Variants in HSDL2 observed in about 807,000 individuals in gnomAD.
HSDL2 encodes the protein hydroxysteroid dehydrogenase like 2, also known as hydroxysteroid dehydrogenase-like protein 2.
HSDL2 carries 27 observed loss-of-function variants against 46.3 expected under a neutral mutation model. The observed-to-expected ratio is 0.58, with a 90% CI of 0.43 to 0.80. The LOEUF (loss-of-function observed/expected upper bound fraction) is 0.80, where lower values mean the gene tolerates loss of function less well. Among genes scored for constraint, HSDL2 ranks in the 30% least tolerant of loss-of-function variants. HSDL2 has a pLI of 0.00. For missense variants in HSDL2, 451 were observed against 502.7 expected (o/e 0.90, Z 0.98); for synonymous variants, 153 against 163.6 (o/e 0.94, Z 0.50).
intron 6 of HSDL2, among the ~76,000 whole-genome samples, chr9:112,427,243 G>A (rs1832271892): frequency 6.6e-6 from 1 of 151,934 alleles, no homozygotes; most frequent in African/African-American, 2.4e-5. Flanking sequence ...TTAGTAGAGA[G>A]GGTGTTTTGC....
intron 1 of HSDL2, among the ~76,000 whole-genome samples, chr9:112,397,787 C>G (rs59151888): frequency 6.6e-6 from 1 of 152,118 alleles, no homozygotes; most frequent in Non-Finnish European, 1.5e-5. Flanking sequence ...GCAAAATGAC[C>G]TCAGTACAAA....
chr9:112,422,578 C>G (rs1832148691), intron 6 of HSDL2, among the ~76,000 whole-genome samples: 1 of 151,794 alleles, frequency 6.6e-6, no homozygotes, highest in South Asian at 2.1e-4. Context: ...GCAGAAACAC[C>G]CTGAAGTAAA....
chr9:112,447,733 GAAATATTTA>G (rs1832784662), intron 8 of HSDL2, among the ~76,000 whole-genome samples: 1 of 152,170 alleles, frequency 6.6e-6, no homozygotes, highest in Non-Finnish European at 1.5e-5. Context: ...AAATGTGGAG[GAAATATTTA>G]TTACTCAGTG....
At chr9:112,460,219 C>G (rs1466118266) in intron 10 of HSDL2, among the ~76,000 whole-genome samples, 1 of 152,194 alleles carries the variant, frequency 6.6e-6, no homozygotes, top group Non-Finnish European at 1.5e-5. Context: ...ACATCCTGAT[C>G]TAAAGAGTCT....
intron 9 of HSDL2, among the ~76,000 whole-genome samples, chr9:112,459,218 A>G (rs1030641980): frequency 2.6e-5 from 4 of 152,002 alleles, no homozygotes; most frequent in Non-Finnish European, 5.9e-5. Flanking sequence ...ATCACCCTCT[A>G]CTTCCTCTTT....
chr9:112,467,533 A>G (rs1422628287), intron 10 of HSDL2, among the ~76,000 whole-genome samples: 1 of 152,142 alleles, frequency 6.6e-6, no homozygotes, highest in African/African-American at 2.4e-5. Context: ...ATGCCACTAA[A>G]TTGTTTCTCT....
At position 112,398,777 on chromosome 9, in the gene HSDL2, T is replaced by G. The variant is rs140138694; in HGVS notation, c.18-5218T>G. 5.6e-3 allele frequency among the ~76,000 whole-genome samples: 854 copies of G among 152,252 alleles called. 7 individuals carry two copies. Among genetic ancestry groups the G allele is most frequent in the African/African-American group, 0.02 (817 of 41,558 alleles). On this transcript the variant is annotated intron_variant, in intron 1 of 10. Coordinates refer to ENST00000398805, the MANE Select transcript of HSDL2 (RefSeq NM_032303.5). ...ATTTTGCACCAACATGATCCCATAG[T>G]CCCACATCTAACATTCCCTTTTCAG...
At chr9:112,386,533 G>A (rs1831220797) in intron 1 of HSDL2, among the ~76,000 whole-genome samples, 1 of 151,734 alleles carries the variant, frequency 6.6e-6, no homozygotes, top group Non-Finnish European at 1.5e-5. Context: ...TGTAATCCCA[G>A]CATTTTGAGA....
intron 6 of HSDL2, among the ~76,000 whole-genome samples, chr9:112,436,426 T>G (rs1407589536): frequency 6.6e-6 from 1 of 151,984 alleles, no homozygotes; most frequent in Non-Finnish European, 1.5e-5. Flanking sequence ...ATCTGTGTCC[T>G]TAATATCTAG....
At chr9:112,465,907 A>C (rs1257796360) in intron 10 of HSDL2, among the ~76,000 whole-genome samples, 1 of 152,214 alleles carries the variant, frequency 6.6e-6, no homozygotes, top group East Asian at 1.9e-4. Flanking sequence ...TCTACATGGG[A>C]GTAGAATTCT....
rs117102238 is a variant in HSDL2 at position 112,435,376 on chromosome 9, T to G, written c.599-3055T>G. On this transcript the variant is annotated intron_variant, in intron 6 of 10. Transcript: ENST00000398805. The stretch of plus-strand genomic sequence containing the variant: ...GTATGCATATAGTCTCAAAATAGAT[T>G]ATACTCAATTATGTACAGAAAAGTT... 8.4e-3 allele frequency among the ~76,000 whole-genome samples: 1,283 copies of G among 152,222 alleles called. 8 individuals are homozygous for G. The highest frequency in any genetic ancestry group is 0.014 in the Non-Finnish European group (979 of 68,024).
intron 1 of HSDL2, among the ~76,000 whole-genome samples, chr9:112,399,634 C>G (rs140287007): frequency 0.015 from 2,214 of 152,236 alleles, 50 homozygotes; most frequent in African/African-American, 0.05. Flanking sequence ...GACCTCCCCC[C>G]AGGAATGCAT....
At chr9:112,445,995 T>C (rs985078389) in intron 8 of HSDL2, among the ~76,000 whole-genome samples, 12 of 152,230 alleles carry the variant, frequency 7.9e-5, no homozygotes, top group Admixed American at 3.9e-4. Flanking sequence ...CATAATGATA[T>C]AGTTTTCGTG....
intron 6 of HSDL2, among the ~76,000 whole-genome samples, chr9:112,421,158 C>T (rs1408692578): frequency 2.6e-5 from 4 of 152,064 alleles, no homozygotes; most frequent in African/African-American, 9.7e-5. Context: ...AGTGAGACCC[C>T]ATCTCTACAA....
At position 112,418,913 on chromosome 9, in the gene HSDL2, G is replaced by T. The variant is rs1165982963; in HGVS notation, c.553G>T (p.Glu185Ter). The T allele has an allele frequency of 6.2e-7, 1 of 1,606,298 alleles. No homozygotes were observed. The highest frequency in any genetic ancestry group is 8.5e-7 in the Non-Finnish European group (1 of 1,174,798). Residue 185 changes from glutamate to a stop codon, truncating the protein, a stop_gained, in exon 6 of 11, where the codon GAA becomes TAA. Coordinates refer to ENST00000398805, the MANE Select transcript of HSDL2 (RefSeq NM_032303.5). LOFTEE classifies it high-confidence loss of function. ...MSMYVLGMAE[E>*]FKGEIAVNAL... ...TATGTATGTGCTTGGAATGGCAGAAGAATTTAAAGGTGAAATTGCAGTCAA... is the reference window on the plus strand; with the variant it reads ...TATGTATGTGCTTGGAATGGCAGAATAATTTAAAGGTGAAATTGCAGTCAA...
intron 4 of HSDL2, 49 bp downstream of exon 4, chr9:112,409,070 G>A: frequency 9.6e-7 from 1 of 1,046,560 alleles, no homozygotes; most frequent in Non-Finnish European, 1.5e-6. Context: ...GTGTTTCTCA[G>A]GGAACTTACA....
At chr9:112,381,278 CTTAGCCTCTGGAGTAT>C (rs1274291131) in intron 1 of HSDL2, among the ~76,000 whole-genome samples, 1 of 152,192 alleles carries the variant, frequency 6.6e-6, no homozygotes, top group Non-Finnish European at 1.5e-5. Context: ...TTCCTCCCTT[CTTAGCCTCTGGAGTAT>C]TTAGGATTAC....
Position 112,470,485 on chromosome 9 carries a change from A to C in HSDL2, c.1198A>C (p.Asn400His), listed in dbSNP as rs955567359. The change falls in exon 11 of 11, where the codon AAC becomes CAC. Residue 400 changes from asparagine (N) to histidine (H), a missense_variant. Transcript: ENST00000398805. ...GTCAGGGAAATTGAAGATTAAAGGT[A>C]ACATGGCCCTAGCAATCAAATTGGA... Reference protein sequence around the residue: ...FMSGKLKIKGNMALAIKLEKL... With the variant: ...FMSGKLKIKGHMALAIKLEKL... 1 of 1,612,214 alleles carries C rather than the reference A, an allele frequency of 6.2e-7. No homozygotes were observed. Among genetic ancestry groups the C allele is most frequent in the Non-Finnish European group, 8.5e-7 (1 of 1,178,844 alleles).
intron 1 of HSDL2, among the ~76,000 whole-genome samples, chr9:112,385,284 T>G (rs1299099357): frequency 2.0e-5 from 3 of 152,174 alleles, no homozygotes; most frequent in Non-Finnish European, 4.4e-5. Flanking sequence ...TGGTCACCTA[T>G]AGGTAAGAGA....
Sources: gnomAD v4.1 joint callset for allele counts (sites outside exome capture counted in the v4.1 genomes callset) on GRCh38, gnomAD v4.1.1 for gene constraint, MANE v1.5 for transcripts, NCBI Gene and HGNC (gene_info 2026-07-23, HGNC 2026-07-21) for gene names.